The following EBF2 variants were observed in gnomAD, a reference collection of about 807,000 sequenced individuals.
The protein encoded by EBF2 is transcription factor COE2.
EBF2 carries 21 observed loss-of-function variants against 72.8 expected under a neutral mutation model. The ratio of observed to expected loss-of-function variants is 0.29; its 90% CI spans 0.20 to 0.42. EBF2 has a LOEUF of 0.42. EBF2 is among the 10% of genes least tolerant of loss of function. The pLI is 1.00. For synonymous variants in EBF2, 299 were observed against 274.2 expected, an observed-to-expected ratio of 1.09 and a Z score of -0.89; for missense variants, 637 against 731.2, an observed-to-expected ratio of 0.87 and a Z score of 1.49.
chr8:25,935,439 C>T (rs1450386485), intron 6 of EBF2, among the ~76,000 whole-genome samples: 1 of 152,186 alleles, frequency 6.6e-6, no homozygotes, highest in Non-Finnish European at 1.5e-5. Context: ...GGGTGGAATG[C>T]CAGCGGCAGT....
chr8:25,878,991 T>C (rs1262323425), intron 10 of EBF2, among the ~76,000 whole-genome samples: 1 of 151,920 alleles, frequency 6.6e-6, no homozygotes, highest in East Asian at 1.9e-4. Context: ...CATACTTTAT[T>C]CTTTAAATTT....
intron 6 of EBF2, among the ~76,000 whole-genome samples, chr8:26,023,031 A>C (rs1805229837): frequency 6.6e-6 from 1 of 152,208 alleles, no homozygotes; most frequent in East Asian, 1.9e-4. Flanking sequence ...TCTGCGAATC[A>C]TCTGTGGATA....
At chr8:25,852,369 G>A (rs1403804826) in intron 14 of EBF2, among the ~76,000 whole-genome samples, 1 of 152,084 alleles carries the variant, frequency 6.6e-6, no homozygotes, top group East Asian at 1.9e-4. Context: ...AGAATTAGAA[G>A]CCAAAGAAAA....
intron 6 of EBF2, among the ~76,000 whole-genome samples, chr8:26,005,151 C>T (rs1281099433): frequency 7.3e-6 from 1 of 136,170 alleles, no homozygotes; most frequent in Admixed American, 8.7e-5. Context: ...ATGGGAAAAC[C>T]TATGGAACAC....
chr8:25,919,978 A>G (rs1018322821), intron 6 of EBF2, among the ~76,000 whole-genome samples: 4 of 152,234 alleles, frequency 2.6e-5, no homozygotes, highest in African/African-American at 9.6e-5. Flanking sequence ...ATGCCAAACC[A>G]TAGCTTTTGC....
intron 7 of EBF2, among the ~76,000 whole-genome samples, chr8:25,902,174 G>A (rs569250347): frequency 3.9e-5 from 6 of 152,134 alleles, no homozygotes; most frequent in Non-Finnish European, 7.3e-5. Context: ...GGAAATGACC[G>A]TGTGCCTGAC....
At chr8:25,887,800 T>G (rs935868558) in intron 9 of EBF2, 42 bp downstream of exon 9, 24 of 1,496,444 alleles carry the variant, frequency 1.6e-5, no homozygotes, top group Non-Finnish European at 2.1e-5. Flanking sequence ...AAACAATCTT[T>G]GGGCAAAAGG....
At chr8:25,893,616 A>G (rs1802820342) in intron 7 of EBF2, among the ~76,000 whole-genome samples, 1 of 152,132 alleles carries the variant, frequency 6.6e-6, no homozygotes, top group Non-Finnish European at 1.5e-5. Flanking sequence ...TAGGCACACT[A>G]AGGGGAACCT....
chr8:25,930,851 A>G (rs1039208688), intron 6 of EBF2, among the ~76,000 whole-genome samples: 3 of 152,180 alleles, frequency 2.0e-5, no homozygotes, highest in African/African-American at 7.2e-5. Flanking sequence ...GACACACAGT[A>G]GGCATATAGA....
At chr8:26,025,265 G>A (rs539555596) in intron 6 of EBF2, among the ~76,000 whole-genome samples, 2 of 152,138 alleles carry the variant, frequency 1.3e-5, no homozygotes, top group East Asian at 3.9e-4. Context: ...CCTAGTCTTC[G>A]GAGAGCTTTT....
chr8:25,966,506 G>A (rs1463125811), intron 6 of EBF2, among the ~76,000 whole-genome samples: 1 of 152,178 alleles, frequency 6.6e-6, no homozygotes, highest in East Asian at 1.9e-4. Flanking sequence ...AACTGTAGAT[G>A]CAAGAAGGTA....
intron 6 of EBF2, among the ~76,000 whole-genome samples, chr8:25,915,815 T>C (rs545837191): frequency 2.5e-4 from 38 of 152,214 alleles, no homozygotes; most frequent in African/African-American, 7.0e-4. Flanking sequence ...ATCTCCATAA[T>C]GGAGATTTTT....
Position 26,044,684 on chromosome 8 carries a change from G to C in EBF2, c.131+45C>G. On this transcript the variant is annotated intron_variant, in intron 1 of 15. Transcript: ENST00000520164. The surrounding 1 kb of genome is among the most constrained non-coding windows in gnomAD (Gnocchi z 4.1). ...GGGGGTGCACACGGAGAGACAGACC[G>C]TAAGAGCGAGAGACAGCATAATAAT... is the stretch of plus-strand genomic sequence containing the variant. 6.2e-7 allele frequency: 1 copy of C among 1,601,816 alleles called. No individual in the cohort carries two copies. Among genetic ancestry groups the C allele is most frequent in the East Asian group, 2.2e-5 (1 of 44,628 alleles).
intron 7 of EBF2, among the ~76,000 whole-genome samples, chr8:25,899,443 C>A (rs528862074): frequency 6.6e-6 from 1 of 152,162 alleles, no homozygotes; most frequent in African/African-American, 2.4e-5. Flanking sequence ...GCTGGAGCAG[C>A]TCTCACACTG....
intron 15 of EBF2, among the ~76,000 whole-genome samples, chr8:25,849,624 T>G (rs955943388): frequency 2.1e-5 from 3 of 142,816 alleles, no homozygotes; most frequent in African/African-American, 8.5e-5. Flanking sequence ...GCCCCAGTCC[T>G]CAGCAGTTTC....
chr8:25,846,791 T>C (rs1422139463), intron 15 of EBF2, among the ~76,000 whole-genome samples: 1 of 152,188 alleles, frequency 6.6e-6, no homozygotes, highest in East Asian at 1.9e-4. Context: ...ATCCCCTGAA[T>C]GACAGAAAAG....
At chr8:26,007,327 C>A (rs1366783015) in intron 6 of EBF2, among the ~76,000 whole-genome samples, 1 of 152,138 alleles carries the variant, frequency 6.6e-6, no homozygotes, top group Non-Finnish European at 1.5e-5. Context: ...CCCCCTGTGG[C>A]CTCTGACATT....
intron 6 of EBF2, among the ~76,000 whole-genome samples, chr8:25,992,639 A>G (rs2117211328): frequency 6.6e-6 from 1 of 152,086 alleles, no homozygotes; most frequent in African/African-American, 2.4e-5. Flanking sequence ...TGGGTGGCTC[A>G]CTCCTGTAAT....
At chr8:25,977,174 C>T (rs374799589) in intron 6 of EBF2, among the ~76,000 whole-genome samples, 1 of 152,212 alleles carries the variant, frequency 6.6e-6, no homozygotes, top group Non-Finnish European at 1.5e-5. Flanking sequence ...TATCAGGCAG[C>T]TCTGTGCAAG....
Sources: allele counts gnomAD v4.1 joint callset (sites outside exome capture counted in the v4.1 genomes callset), GRCh38; gene constraint gnomAD v4.1.1; non-coding constraint Gnocchi (gnomAD v3.1); transcripts MANE v1.5; gene names NCBI Gene and HGNC (gene_info 2026-07-23, HGNC 2026-07-21).